The following CEP295 variants were observed in gnomAD, a reference collection of about 807,000 sequenced individuals.
The protein encoded by CEP295 is centrosomal protein of 295 kDa.
In CEP295, 190 loss-of-function variants were observed where a neutral mutation model predicts 291.6. The observed-to-expected ratio is 0.65, with a 90% CI of 0.58 to 0.73. The LOEUF (loss-of-function observed/expected upper bound fraction) is 0.73, where lower values mean the gene tolerates loss of function less well. Among genes scored for constraint, CEP295 ranks in the 30% least tolerant of loss-of-function variants. The probability of loss-of-function intolerance (pLI) is 0.00; values close to 1 mark genes in which losing one functional copy is unlikely to be tolerated. For missense variants in CEP295, 2,863 were observed against 2,949.4 expected, an observed-to-expected ratio of 0.97 and a Z score of 0.68; for synonymous variants, 993 against 1,038.8, an observed-to-expected ratio of 0.96 and a Z score of 0.85.
At chr11:93,692,280 A>G (rs1377558632) in intron 12 of CEP295, among the ~76,000 whole-genome samples, 1 of 152,168 alleles carries the variant, frequency 6.6e-6, no homozygotes, top group Admixed American at 6.5e-5. Flanking sequence ...ATTAGCTTTT[A>G]AAAAGCAGAG....
Position 93,704,627 on chromosome 11 carries a change from A to G in CEP295, c.5596+1708A>G, listed in dbSNP as rs1268909177. 2.6e-5 allele frequency among the ~76,000 whole-genome samples: 4 copies of G among 152,220 alleles called. 1 individual carries two copies. The South Asian group carries it at 6.2e-4, about 24-fold the overall frequency. Reference sequence around the variant, plus strand: ...CTGGTAGGTGAACTACCAGGCCCTCATGATCTTTCTCTTCCTCCCTTCAAG... The same window carrying G: ...CTGGTAGGTGAACTACCAGGCCCTCGTGATCTTTCTCTTCCTCCCTTCAAG... On this transcript the variant is annotated intron_variant, in intron 17 of 29. Coordinates refer to ENST00000325212, the MANE Select transcript of CEP295 (RefSeq NM_033395.2).
chr11:93,726,628 G>T (rs1271109355), intron 23 of CEP295: 1 of 169,166 alleles, frequency 5.9e-6, no homozygotes, highest in Non-Finnish European at 1.2e-5. Flanking sequence ...ACACAAGGAT[G>T]TACAAATTAT....
intron 18 of CEP295, among the ~76,000 whole-genome samples, chr11:93,720,457 G>C (rs1259979100): frequency 1.7e-5 from 2 of 115,586 alleles, no homozygotes; most frequent in African/African-American, 6.5e-5. Context: ...CTGGGTGACA[G>C]AGCGAGAGTC....
At chr11:93,702,659 G>A in intron 16 of CEP295, 22 bp downstream of exon 16, 8 of 1,533,004 alleles carry the variant, frequency 5.2e-6, no homozygotes, top group African/African-American at 1.4e-5. Context: ...GTGTTTGATT[G>A]TAATTATTTC....
chr11:93,707,787 G>C (rs1350058682), intron 18 of CEP295, among the ~76,000 whole-genome samples: 1 of 151,742 alleles, frequency 6.6e-6, no homozygotes, highest in Non-Finnish European at 1.5e-5. Context: ...ACATTTTATA[G>C]CCAGATTTAT....
At position 93,698,404 on chromosome 11, in the gene CEP295, A is replaced by C. The variant is rs1007023791; in HGVS notation, c.3492A>C (p.Thr1164=). Residue 1164 remains threonine, a synonymous_variant, in exon 15 of 30, where the codon ACA becomes ACC. Transcript: ENST00000325212. ...QHSLAQQENL[T]ILQEQSQIQR... is the part of the protein sequence containing the mutation. The stretch of plus-strand genomic sequence containing the variant: ...GCCTGGCACAGCAAGAAAATTTGAC[A>C]ATACTCCAAGAACAGTCACAAATAC... The C allele has an allele frequency of 6.4e-7, 1 of 1,552,164 alleles. No homozygotes were observed.
chr11:93,712,944 A>AT lies in CEP295; in HGVS notation c.5749+6058dup, dbSNP rs1326832638. On this transcript the variant is annotated intron_variant, in intron 18 of 29. Coordinates refer to ENST00000325212, the MANE Select transcript of CEP295 (RefSeq NM_033395.2). The stretch of plus-strand genomic sequence containing the variant: ...GGTATGTTTTGATTTCTTGCTTTTT[A>AT]TTTTTTTTTTTGTATCTGTTGTATG... 7.7e-3 allele frequency among the ~76,000 whole-genome samples: 945 copies of AT among 122,166 alleles called. 8 individuals are homozygous for AT. Among genetic ancestry groups the AT allele is most frequent in the African/African-American group, 0.025 (827 of 33,224 alleles). The allele number at this position is 122,166 out of a possible 152,430, so 80.1% of individuals were successfully genotyped here. A position where few individuals can be genotyped will look rare whatever the true frequency, so the allele number is the denominator to read the frequency against.
At position 93,699,950 on chromosome 11, in the gene CEP295, GC is replaced by G. The variant is rs762289202; in HGVS notation, c.5045del (p.Pro1682GlnfsTer5). 5.2e-6 allele frequency: 8 copies of G among 1,551,386 alleles called. No individual in the cohort carries two copies. Among genetic ancestry groups the G allele is most frequent in the Middle Eastern group, 1.7e-4 (1 of 6,014 alleles). The stretch of plus-strand genomic sequence containing the variant: ...GTATTCATCCCAGAATGAACATGCA[GC>G]CCCCCCAAGTAATCCTGTGATCCCA... ...ELYSSQNEHA[A>X]PPSNPVIPGF... On this transcript the variant is annotated frameshift_variant, in exon 15 of 30. Transcript: ENST00000325212. LOFTEE classifies it high-confidence loss of function.
chr11:93,668,798 A>G lies in CEP295; in HGVS notation c.310-10A>G, dbSNP rs982087758. 4 of 1,502,694 alleles carry G rather than the reference A, an allele frequency of 2.7e-6. No individual in the cohort carries two copies. The highest frequency in any genetic ancestry group is 3.6e-6 in the Non-Finnish European group (4 of 1,123,454). 93.1% of individuals were successfully genotyped at this position (1,502,694 alleles called of 1,614,324 possible). ...TTTAACATGACATTTTAAGTAATAT[A>G]TATTTTTAGGAACCTGATTTGGATG... is the stretch of plus-strand genomic sequence containing the variant. On this transcript the variant is annotated splice_polypyrimidine_tract_variant and intron_variant, in intron 3 of 29. Transcript: ENST00000325212.
intron 5 of CEP295, 100 bp from the exon 6 acceptor site, chr11:93,675,471 G>A (rs768962886): frequency 8.9e-6 from 5 of 564,948 alleles, no homozygotes; most frequent in East Asian, 6.8e-5. Flanking sequence ...TTTTGGATGC[G>A]GAGAACTCAT....
In CEP295 at chr11:93,704,100, T is replaced by C. The variant is rs188530492; in HGVS notation, c.5596+1181T>C. Among the ~76,000 whole-genome samples, 27 of 152,250 alleles carry C rather than the reference T, an allele frequency of 1.8e-4. No individual in the cohort carries two copies. The East Asian group carries it at 5.0e-3, about 28-fold the overall frequency. ...CTGTAATTCTTAATAAATAGTCTTATGTGAATTTCATAATTTTTTTTAGAA... is the reference window on the plus strand; with the variant it reads ...CTGTAATTCTTAATAAATAGTCTTACGTGAATTTCATAATTTTTTTTAGAA... On this transcript the variant is annotated intron_variant, in intron 17 of 29. Coordinates refer to ENST00000325212, the MANE Select transcript of CEP295 (RefSeq NM_033395.2).
intron 17 of CEP295, among the ~76,000 whole-genome samples, chr11:93,706,533 AT>A (rs1440660180): frequency 1.3e-5 from 2 of 152,240 alleles, no homozygotes; most frequent in Non-Finnish European, 2.9e-5. Context: ...ATACTGAGGC[AT>A]AATCTGATGT....
chr11:93,705,815 T>C (rs1394226925), intron 17 of CEP295, among the ~76,000 whole-genome samples: 1 of 152,240 alleles, frequency 6.6e-6, no homozygotes, highest in Non-Finnish European at 1.5e-5. Flanking sequence ...TTGGACTTTA[T>C]TGGAAAAAGT....
Position 93,702,484 on chromosome 11 carries a change from G to C in CEP295, c.5299G>C (p.Asp1767His), listed in dbSNP as rs772388585. The C allele has an allele frequency of 2.6e-6, 4 of 1,538,644 alleles. No individual in the cohort carries two copies. The highest frequency in any genetic ancestry group is 3.5e-6 in the Non-Finnish European group (4 of 1,143,212). Residue 1767 changes from aspartate to histidine, a missense_variant, in exon 16 of 30, where the codon GAT becomes CAT. This residue lies in a region of CEP295 where 2,295 missense variants were observed against 2,335.7 expected (regional missense o/e 0.98). Coordinates refer to ENST00000325212, the MANE Select transcript of CEP295 (RefSeq NM_033395.2). The stretch of plus-strand genomic sequence containing the variant: ...GATAAGTAAGCCCACAGTTGAAAAT[G>C]ATTTAAAAACCCAGAAGATGGGGCA... Reference protein sequence around the residue: ...SQISKPTVENDLKTQKMGQLR... With the variant: ...SQISKPTVENHLKTQKMGQLR...
intron 5 of CEP295, among the ~76,000 whole-genome samples, chr11:93,670,434 C>A (rs538222605): frequency 4.6e-5 from 7 of 151,980 alleles, no homozygotes; most frequent in Admixed American, 4.6e-4. Flanking sequence ...TTTTAAAATA[C>A]TTGTTCTCCA....
In CEP295 at chr11:93,699,327, CTAT is replaced by C; in HGVS notation, c.4417_4419del (p.Ile1473del). 1.3e-6 allele frequency: 2 copies of C among 1,552,060 alleles called. No individual in the cohort carries two copies. The highest frequency in any genetic ancestry group is 1.7e-6 in the Non-Finnish European group (2 of 1,147,050). ...CATGCACAGACAGATTTCCTTCCTT[CTAT>C]TGAGAAAACCCAGAAAGAATTGGTT... On this transcript the variant is annotated inframe_deletion, in exon 15 of 30. Transcript: ENST00000325212.
chr11:93,692,986 A>C (rs1272691273), intron 12 of CEP295, among the ~76,000 whole-genome samples: 6 of 149,718 alleles, frequency 4.0e-5, no homozygotes, highest in Non-Finnish European at 5.9e-5. Flanking sequence ...AAAAAAAAAA[A>C]AAAACAAAAG....
chr11:93,713,678 C>T (rs1291970567), intron 18 of CEP295, among the ~76,000 whole-genome samples: 1 of 152,038 alleles, frequency 6.6e-6, no homozygotes, highest in Non-Finnish European at 1.5e-5. Flanking sequence ...GTTCTCTGTT[C>T]CTCTTGTACT....
Position 93,723,181 on chromosome 11 carries a change from C to T in CEP295, c.6088C>T (p.Leu2030=), listed in dbSNP as rs921634931. 5.8e-6 allele frequency: 9 copies of T among 1,552,070 alleles called. No homozygotes were observed. The highest frequency in any genetic ancestry group is 4.1e-5 in the African/African-American group (3 of 73,164). The change falls in exon 21 of 30, where the codon CTG becomes TTG. Residue 2030 remains leucine, a synonymous_variant. Transcript: ENST00000325212. Reference sequence around the variant, plus strand: ...GAACTCTTCAGACGTTCATAAATCTCTGTTGCCTGCAGTGGATGAAACTAC... The same window carrying T: ...GAACTCTTCAGACGTTCATAAATCTTTGTTGCCTGCAGTGGATGAAACTAC... ...RQNSSDVHKS[L]LPAVDETTCG... is the part of the protein sequence containing the mutation.
Sources: allele counts gnomAD v4.1 joint callset (sites outside exome capture counted in the v4.1 genomes callset), GRCh38; gene constraint gnomAD v4.1.1; regional missense constraint gnomAD v4.1.1; transcripts MANE v1.5; gene names NCBI Gene and HGNC (gene_info 2026-07-23, HGNC 2026-07-21).